The following PRPF3 variants were observed in gnomAD, a reference collection of about 807,000 sequenced individuals.
PRPF3 encodes the protein U4/U6 small nuclear ribonucleoprotein Prp3.
Under a neutral mutation model 89.2 loss-of-function variants are expected in PRPF3, and 3 were observed. The ratio of observed to expected loss-of-function variants is 0.03; its 90% CI spans 0.02 to 0.09. The LOEUF is 0.09. Among genes scored for constraint, PRPF3 ranks in the 10% least tolerant of loss-of-function variants. The probability of loss-of-function intolerance (pLI) is 1.00; values close to 1 mark genes in which losing one functional copy is unlikely to be tolerated. For missense variants in PRPF3, 463 were observed against 828.8 expected (o/e 0.56, Z 5.42); for synonymous variants, 270 against 289.1 (o/e 0.93, Z 0.67).
At chr1:150,349,041 C>A in intron 14 of PRPF3, 116 bp from the exon 15 acceptor site, 1 of 875,316 alleles carries the variant, frequency 1.1e-6, no homozygotes, top group Non-Finnish European at 1.9e-6. Context: ...AAAGAGAACA[C>A]TTGGTCCAAC....
intron 1 of PRPF3, among the ~76,000 whole-genome samples, chr1:150,323,206 A>C (rs1451833284): frequency 2.9e-5 from 2 of 68,892 alleles, no homozygotes; most frequent in Non-Finnish European, 5.0e-5. Flanking sequence ...TTGGAGACAC[A>C]GTTTCACTCT....
chr1:150,349,882 T>TGGGGGCGGG (rs1175071648), intron 15 of PRPF3, among the ~76,000 whole-genome samples: 15 of 97,618 alleles, frequency 1.5e-4, no homozygotes, highest in Non-Finnish European at 2.6e-4. Flanking sequence ...TATCTTTTTT[T>TGGGGGCGGG]GGGGGCGGGG....
chr1:150,332,232 A>G (rs1656493448), intron 4 of PRPF3, among the ~76,000 whole-genome samples: 1 of 216 alleles, frequency 4.6e-3, no homozygotes, highest in Admixed American at 0.083. Flanking sequence ...TCAAAAAAAA[A>G]AAAGAAAATT....
chr1:150,333,120 C>A lies in PRPF3; in HGVS notation c.649C>A (p.Leu217Met), dbSNP rs1553866157. Residue 217 changes from leucine to methionine, a missense_variant, in exon 6 of 16, where the codon CTG (leucine) becomes ATG (methionine). Leu to Met is a conservative substitution (Grantham distance 15). Transcript: ENST00000324862. ...AELQARIQAQ[L>M]ALKPGLIGNA... ...ACTGCAAGCTCGAATCCAAGCCCAG[C>A]TGGCACTGAAGCCAGGACTCATCGG... The A allele has an allele frequency of 1.2e-6, 2 of 1,614,248 alleles. No homozygotes were observed. Among genetic ancestry groups the A allele is most frequent in the East Asian group, 4.5e-5 (2 of 44,892 alleles).
chr1:150,351,993 T>G (rs1290221248), intron 15 of PRPF3, among the ~76,000 whole-genome samples: 1 of 152,108 alleles, frequency 6.6e-6, no homozygotes, highest in Non-Finnish European at 1.5e-5. Context: ...CTTATTGGAG[T>G]CTACTCCCTG....
At position 150,340,614 on chromosome 1, in the gene PRPF3, G is replaced by T. The variant is rs1005235427; in HGVS notation, c.1282+137G>T. ...ATGTGTAATTCTTTTTTTTAATTCA[G>T]TTTTTTTCCTGACAATAGTTTGTTG... On this transcript the variant is annotated intron_variant, in intron 9 of 15. Transcript: ENST00000324862. 26 of 732,064 alleles carry T rather than the reference G, an allele frequency of 3.6e-5. No homozygotes were observed. The Admixed American group carries it at 4.6e-4, about 13-fold the overall frequency. 45.3% of individuals were successfully genotyped at this position (732,064 alleles called of 1,614,324 possible). A position where few individuals can be genotyped will look rare whatever the true frequency, so the allele number is the denominator to read the frequency against.
rs781938080 is a variant in PRPF3 at position 150,340,495 on chromosome 1, G to T, written c.1282+18G>T. The T allele has an allele frequency of 3.9e-6, 6 of 1,555,960 alleles. No individual in the cohort carries two copies. Among genetic ancestry groups the T allele is most frequent in the Non-Finnish European group, 5.3e-6 (6 of 1,127,138 alleles). On this transcript the variant is annotated intron_variant, in intron 9 of 15. Transcript: ENST00000324862. ...TCCTCCAGGTAATGTATAGATTCCT[G>T]AATCAAGTCTCTAGAGCAGCATTAC... is the stretch of plus-strand genomic sequence containing the variant.
At chr1:150,333,498 C>T (rs587652921) in intron 6 of PRPF3, among the ~76,000 whole-genome samples, 8 of 152,266 alleles carry the variant, frequency 5.3e-5, no homozygotes, top group South Asian at 2.1e-4. Context: ...ACACAGGAGG[C>T]AGAGGTTGCA....
intron 7 of PRPF3, among the ~76,000 whole-genome samples, chr1:150,337,479 G>A (rs1657148251): frequency 6.6e-6 from 1 of 152,064 alleles, no homozygotes; most frequent in Non-Finnish European, 1.5e-5. Flanking sequence ...CAGAAATTAT[G>A]AACTTGTTGC....
At chr1:150,342,393 A>G (rs1657846878) in intron 9 of PRPF3, among the ~76,000 whole-genome samples, 1 of 152,148 alleles carries the variant, frequency 6.6e-6, no homozygotes, top group Non-Finnish European at 1.5e-5. Context: ...AAAAGGAAAG[A>G]TAAGAATGTT....
At chr1:150,328,176 C>T (rs1655925571) in intron 3 of PRPF3, 144 bp from the exon 4 acceptor site, 1 of 849,250 alleles carries the variant, frequency 1.2e-6, no homozygotes, top group Non-Finnish European at 1.9e-6. Flanking sequence ...GTCTAGTAGA[C>T]CCTGCTTCTG....
chr1:150,342,033 T>C (rs1553871345), intron 9 of PRPF3, among the ~76,000 whole-genome samples: 2 of 151,948 alleles, frequency 1.3e-5, no homozygotes, highest in African/African-American at 4.8e-5. Flanking sequence ...TTGCCAGGTA[T>C]CATTGAATGA....
intron 7 of PRPF3, 33 bp from the exon 8 acceptor site, chr1:150,338,127 T>G: frequency 6.2e-7 from 1 of 1,610,408 alleles, no homozygotes; most frequent in Non-Finnish European, 8.5e-7. Context: ...TGACTCCAAT[T>G]TATCTTTCTG....
In PRPF3 at chr1:150,340,453, C is replaced by T. The variant is rs1452433223; in HGVS notation, c.1258C>T (p.His420Tyr). The stretch of plus-strand genomic sequence containing the variant: ...TTTTGGAATCACAAATCTTGTTGAA[C>T]ATCCAGCCCAGCTCAATCCTCCAGG... ...DYFGITNLVE[H>Y]PAQLNPPVDN... The change falls in exon 9 of 16, where the codon CAT becomes TAT. Residue 420 changes from histidine to tyrosine, a missense_variant. By Grantham distance (83) the His-to-Tyr change is moderately conservative (BLOSUM62 2). Transcript: ENST00000324862. 2.5e-6 allele frequency: 4 copies of T among 1,605,772 alleles called. No individual in the cohort carries two copies. Among genetic ancestry groups the T allele is most frequent in the African/African-American group, 1.3e-5 (1 of 74,704 alleles).
chr1:150,328,880 CAG>C (rs1230583690), intron 4 of PRPF3, among the ~76,000 whole-genome samples: 2 of 151,794 alleles, frequency 1.3e-5, no homozygotes, highest in African/African-American at 4.8e-5. Flanking sequence ...TTAGTAGAGA[CAG>C]GGTTTCACCA....
chr1:150,321,882 G>A (rs1484933256), intron 1 of PRPF3, among the ~76,000 whole-genome samples: 3 of 151,962 alleles, frequency 2.0e-5, no homozygotes, highest in Non-Finnish European at 4.4e-5. Context: ...AGATTAGCGG[G>A]GGAGTGGGGG....
At chr1:150,327,702 G>A in intron 3 of PRPF3, 1 of 886,960 alleles carries the variant, frequency 1.1e-6, no homozygotes, top group Non-Finnish European at 1.4e-6. Context: ...GCCACTCTCG[G>A]TCCTGTTAAA....
intron 7 of PRPF3, among the ~76,000 whole-genome samples, chr1:150,336,747 C>A (rs1553867955): frequency 6.6e-6 from 1 of 151,726 alleles, no homozygotes; most frequent in African/African-American, 2.4e-5. Flanking sequence ...AAGAGCGAAA[C>A]TCCGTCTCAA....
At chr1:150,352,786 A>C in intron 15 of PRPF3, 47 bp from the exon 16 acceptor site, 1 of 1,582,168 alleles carries the variant, frequency 6.3e-7, no homozygotes, top group Non-Finnish European at 8.7e-7. Context: ...ATATTATCTG[A>C]TTTAAATAAG....
Sources: allele counts gnomAD v4.1 joint callset (sites outside exome capture counted in the v4.1 genomes callset), GRCh38; gene constraint gnomAD v4.1.1; transcripts MANE v1.5; gene names NCBI Gene and HGNC (gene_info 2026-07-23, HGNC 2026-07-21).